The following NCAPG2 variants were observed in gnomAD, a reference collection of about 807,000 sequenced individuals.
NCAPG2 encodes non-SMC condensin II complex subunit G2.
In NCAPG2, 53 loss-of-function variants were observed where a neutral mutation model predicts 141.1. That is an observed-to-expected ratio of 0.38 (90% CI 0.30 to 0.47). NCAPG2 has a LOEUF of 0.47. NCAPG2 is among the 20% of genes least tolerant of loss of function. NCAPG2 has a pLI of 0.99. For synonymous variants in NCAPG2, 499 were observed against 490.7 expected (o/e 1.02, Z -0.22); for missense variants, 1,087 against 1,389.0 (o/e 0.78, Z 3.46).
At chr7:158,687,895 G>C (rs143495056) in intron 6 of NCAPG2, among the ~76,000 whole-genome samples, 217 of 152,234 alleles carry the variant, frequency 1.4e-3, no homozygotes, top group African/African-American at 4.8e-3. Flanking sequence ...AAAAGGCTAA[G>C]TGTTTGTCAA....
In NCAPG2 at chr7:158,693,381, G is replaced by A; in HGVS notation, c.195C>T (p.Ser65=). The change falls in exon 3 of 28, where the codon AGC becomes AGT. Residue 65 remains serine, a synonymous_variant. Coordinates refer to ENST00000356309, the MANE Select transcript of NCAPG2 (RefSeq NM_017760.7). ...CCACTACCTGCCACCCATCCACTGG[G>A]CTTTCTAACAACACATCTGTCAATA... The part of the protein sequence containing the change: ...KNLLTDVLLE[S]PVDGWQVVEA... The A allele has an allele frequency of 1.2e-6, 2 of 1,614,104 alleles. No homozygotes were observed. The highest frequency in any genetic ancestry group is 1.7e-6 in the Non-Finnish European group (2 of 1,180,004).
intron 4 of NCAPG2, 37 bp from the exon 5 acceptor site, chr7:158,690,759 C>CA: frequency 6.3e-7 from 1 of 1,582,014 alleles, no homozygotes; most frequent in Non-Finnish European, 8.6e-7. Context: ...ATTAGTAAGG[C>CA]AAATTCTTAT....
intron 27 of NCAPG2, chr7:158,641,420 A>G (rs1830636535): frequency 1.8e-6 from 1 of 569,536 alleles, no homozygotes; most frequent in Non-Finnish European, 3.1e-6. Context: ...ACACATATAG[A>G]TAGAAATTAC....
chr7:158,650,909 C>G lies in NCAPG2; in HGVS notation c.2998G>C (p.Asp1000His), dbSNP rs758543722. The G allele has an allele frequency of 1.9e-6, 3 of 1,613,556 alleles. No homozygotes were observed. The highest frequency in any genetic ancestry group is 2.5e-6 in the Non-Finnish European group (3 of 1,179,678). The change falls in exon 24 of 28, where the codon GAC becomes CAC. Residue 1000 changes from aspartate to histidine, a missense_variant. By Grantham distance (81) the Asp-to-His change is moderately conservative (BLOSUM62 -1). Coordinates refer to ENST00000356309, the MANE Select transcript of NCAPG2 (RefSeq NM_017760.7). ...FITAVQSRHT[D>H]TPVHRGVLST... ...AGTACACCCCGGTGCACAGGGGTGT[C>G]TGTGTGCCGAGACTGAACAGCAGTA...
At chr7:158,661,937 A>G (rs1832542972) in intron 16 of NCAPG2, among the ~76,000 whole-genome samples, 2 of 152,192 alleles carry the variant, frequency 1.3e-5, no homozygotes, top group South Asian at 4.1e-4. Context: ...TGACCATCGG[A>G]GGCAGAAGAA....
At chr7:158,632,053 T>A (rs1034312629) in intron 27 of NCAPG2, among the ~76,000 whole-genome samples, 2 of 152,180 alleles carry the variant, frequency 1.3e-5, no homozygotes, top group African/African-American at 2.4e-5. Flanking sequence ...GTTCTGAGCC[T>A]ATTTCTCTAT....
chr7:158,666,569 CT>C (rs1471537274), intron 13 of NCAPG2, among the ~76,000 whole-genome samples: 1 of 151,154 alleles, frequency 6.6e-6, no homozygotes, highest in African/African-American at 2.4e-5. Flanking sequence ...GCCACGCTGC[CT>C]TTCATTATCA....
In NCAPG2 at chr7:158,656,317, C is replaced by T; in HGVS notation, c.2331G>A (p.Leu777=). The part of the protein sequence containing the change: ...LLTHPKNREC[L]LSAPRKKLNH... ...TAAGTTTCTTCCGAGGAGCAGAGAG[C>T]AAGCACTCGCGGTTCTTTGGATGAG... The change falls in exon 19 of 28, where the codon TTG becomes TTA. Residue 777 remains leucine (L), a synonymous_variant. Transcript: ENST00000356309. The T allele has an allele frequency of 6.2e-7, 1 of 1,614,178 alleles. No individual in the cohort carries two copies. The highest frequency in any genetic ancestry group is 2.2e-5 in the East Asian group (1 of 44,882).
intron 13 of NCAPG2, among the ~76,000 whole-genome samples, chr7:158,667,542 C>T (rs528536514): frequency 2.3e-5 from 1 of 43,124 alleles, no homozygotes; most frequent in African/African-American, 1.2e-4. Context: ...CCCTGTGGCC[C>T]TCCACCCGCT....
chr7:158,698,851 T>A (rs572970771), intron 2 of NCAPG2, among the ~76,000 whole-genome samples: 134 of 150,916 alleles, frequency 8.9e-4, no homozygotes, highest in African/African-American at 3.1e-3. Flanking sequence ...AGTTGCACAA[T>A]CATAGCTCAC....
intron 19 of NCAPG2, 125 bp from the exon 20 acceptor site, chr7:158,655,580 C>T: frequency 2.7e-6 from 2 of 752,984 alleles, no homozygotes; most frequent in Non-Finnish European, 4.4e-6. Flanking sequence ...TCTGGTGAAG[C>T]CCAGTGTCTG....
At chr7:158,650,508 G>A (rs538557074) in intron 24 of NCAPG2, among the ~76,000 whole-genome samples, 1 of 152,268 alleles carries the variant, frequency 6.6e-6, no homozygotes, top group South Asian at 2.1e-4. Flanking sequence ...TATCCTTTTA[G>A]GAGGGAAAAT....
At chr7:158,685,607 T>A (rs998231410) in intron 8 of NCAPG2, among the ~76,000 whole-genome samples, 1 of 152,218 alleles carries the variant, frequency 6.6e-6, no homozygotes, top group African/African-American at 2.4e-5. Flanking sequence ...GTGTCAATGT[T>A]ATGGAAATAG....
intron 14 of NCAPG2, 54 bp from the exon 15 acceptor site, chr7:158,664,350 A>C: frequency 1.9e-6 from 3 of 1,547,938 alleles, no homozygotes; most frequent in South Asian, 2.2e-5. Flanking sequence ...CTACAAAATT[A>C]ACTATCTGAT....
chr7:158,661,727 A>T (rs1177916971), intron 16 of NCAPG2, among the ~76,000 whole-genome samples: 1 of 152,148 alleles, frequency 6.6e-6, no homozygotes, highest in East Asian at 1.9e-4. Flanking sequence ...TTCAAAATAA[A>T]TTTTTTTAAA....
At chr7:158,654,978 T>C in intron 21 of NCAPG2, 140 bp downstream of exon 21, 1 of 1,233,158 alleles carries the variant, frequency 8.1e-7, no homozygotes, top group Non-Finnish European at 1.1e-6. Context: ...AAAGATAAAC[T>C]AGAAAGTTAG....
In NCAPG2 at chr7:158,671,500, C is replaced by A; in HGVS notation, c.1479+14G>T. On this transcript the variant is annotated intron_variant, in intron 13 of 27. Transcript: ENST00000356309. ...TATTTCATGTCATAAGTAAAAAAGC[C>A]CTATTCATCCTACCTTAGCAGCCCT... 1 of 1,613,788 alleles carries A rather than the reference C, an allele frequency of 6.2e-7. No homozygotes were observed. The highest frequency in any genetic ancestry group is 1.1e-5 in the South Asian group (1 of 90,982).
Position 158,692,934 on chromosome 7 carries a change from T to G in NCAPG2, c.290A>C (p.Tyr97Ser), listed in dbSNP as rs1212675907. Residue 97 changes from tyrosine to serine, a missense_variant, in exon 4 of 28, where the codon TAT becomes TCT. Tyr to Ser is a moderately radical substitution (Grantham distance 144). Transcript: ENST00000356309. ...AGCAAGAATCACAGATGTAATTGCA[T>G]AAATTATTTCTATGCTTTTTCTCTA... is the stretch of plus-strand genomic sequence containing the variant. ...SKMRKSIEII[Y>S]AITSVILASV... 2 of 1,576,238 alleles carry G rather than the reference T, an allele frequency of 1.3e-6. No homozygotes were observed. Among genetic ancestry groups the G allele is most frequent in the Non-Finnish European group, 1.7e-6 (2 of 1,152,494 alleles).
rs1178484555 is a variant in NCAPG2, at chr7:158,670,749, TC to T, written c.1479+764del. 1.4e-4 allele frequency among the ~76,000 whole-genome samples: 21 copies of T among 152,292 alleles called. 1 individual carries two copies. The highest frequency in any genetic ancestry group is 4.6e-4 in the African/African-American group (19 of 41,552). ...TTTCCAAGGAAGCCCGACAAAAAGTTCCTCCTTGTTCTTTTCATGGCCACAC... is the reference window on the plus strand; with the variant it reads ...TTTCCAAGGAAGCCCGACAAAAAGTTCTCCTTGTTCTTTTCATGGCCACAC... On this transcript the variant is annotated intron_variant, in intron 13 of 27. Coordinates refer to ENST00000356309, the MANE Select transcript of NCAPG2 (RefSeq NM_017760.7).
Sources: gnomAD v4.1 joint callset for allele counts (sites outside exome capture counted in the v4.1 genomes callset) on GRCh38, gnomAD v4.1.1 for gene constraint, MANE v1.5 for transcripts, NCBI Gene and HGNC (gene_info 2026-07-23, HGNC 2026-07-21) for gene names.